MARCHF1: variants seen among roughly 807,000 people sequenced by gnomAD.
MARCHF1 encodes the protein E3 ubiquitin-protein ligase MARCHF1.
A neutral mutation model predicts 54.2 loss-of-function variants in MARCHF1; 40 were observed. That is an observed-to-expected ratio of 0.74 (90% CI 0.57 to 0.96). The LOEUF (loss-of-function observed/expected upper bound fraction) is 0.96. MARCHF1 is among the 40% of genes least tolerant of loss of function. The pLI, the probability that MARCHF1 is intolerant of heterozygous loss-of-function variation, is 0.00. For synonymous variants in MARCHF1, 236 were observed against 236.3 expected, an observed-to-expected ratio of 1.00 and a Z score of 0.01; for missense variants, 586 against 656.5, an observed-to-expected ratio of 0.89 and a Z score of 1.17.
chr4:163,932,638 G>A (rs1290949499), intron 3 of MARCHF1: 1 of 452,940 alleles, frequency 2.2e-6, no homozygotes, highest in South Asian at 1.8e-5. Context: ...TATGAGGAGT[G>A]CAACCTGCTT....
intron 5 of MARCHF1, among the ~76,000 whole-genome samples, chr4:163,615,079 C>T (rs772871495): frequency 1.3e-5 from 2 of 152,042 alleles, no homozygotes; most frequent in African/African-American, 2.4e-5. Flanking sequence ...TATAAGACGA[C>T]AAAGCCCCAG....
At chr4:164,051,769 A>C (rs1401348741) in intron 2 of MARCHF1, among the ~76,000 whole-genome samples, 1 of 152,226 alleles carries the variant, frequency 6.6e-6, no homozygotes, top group Admixed American at 6.5e-5. Flanking sequence ...CATGAAGGAA[A>C]GGAAGAAGAC....
intron 1 of MARCHF1, among the ~76,000 whole-genome samples, chr4:164,335,838 A>T (rs948882503): frequency 2.0e-5 from 3 of 152,148 alleles, no homozygotes; most frequent in African/African-American, 4.8e-5. Flanking sequence ...GATGCCAAAA[A>T]ACTTGTGTGA....
chr4:164,040,247 ATAC>A (rs2111016660), intron 2 of MARCHF1, among the ~76,000 whole-genome samples: 1 of 144,578 alleles, frequency 6.9e-6, no homozygotes, highest in Non-Finnish European at 1.5e-5. Context: ...ATACTTATAT[ATAC>A]GTATATGTAA....
intron 1 of MARCHF1, among the ~76,000 whole-genome samples, chr4:164,122,151 T>C (rs1756081772): frequency 6.6e-6 from 1 of 152,054 alleles, no homozygotes; most frequent in Non-Finnish European, 1.5e-5. Flanking sequence ...CATCCCTCCA[T>C]AATAAGAACC....
chr4:163,889,912 T>A (rs1191252219), intron 3 of MARCHF1, among the ~76,000 whole-genome samples: 1 of 127,074 alleles, frequency 7.9e-6, no homozygotes, highest in African/African-American at 2.8e-5. Context: ...CTTCGTTTAT[T>A]TATTTTCTTT....
intron 1 of MARCHF1, among the ~76,000 whole-genome samples, chr4:164,377,421 C>A (rs1016267300): frequency 6.6e-6 from 1 of 152,192 alleles, no homozygotes; most frequent in Non-Finnish European, 1.5e-5. Context: ...CAGTCTGTAT[C>A]AGTTGCTTTT....
intron 2 of MARCHF1, among the ~76,000 whole-genome samples, chr4:163,992,492 G>T (rs560592874): frequency 6.6e-6 from 1 of 151,932 alleles, no homozygotes; most frequent in Non-Finnish European, 1.5e-5. Context: ...TCTTAAGGAC[G>T]AATTGAGGCC....
At position 163,924,334 on chromosome 4, in the gene MARCHF1, T is replaced by C. The variant is rs1014448303; in HGVS notation, c.-39+64167A>G. 3.9e-5 allele frequency among the ~76,000 whole-genome samples: 6 copies of C among 152,010 alleles called. No homozygotes were observed. The East Asian group carries it at 9.6e-4, about 24-fold the overall frequency. On this transcript the variant is annotated intron_variant, in intron 3 of 9. Coordinates refer to ENST00000514618, the MANE Select transcript of MARCHF1 (RefSeq NM_001394959.1). Reference sequence around the variant, plus strand: ...ACATGTGAAGAAGAGAAGAACAGACTTTACAAGTGAAGAAAAATCATGAGC... The same window carrying C: ...ACATGTGAAGAAGAGAAGAACAGACCTTACAAGTGAAGAAAAATCATGAGC...
chr4:164,172,182 T>C (rs1257728824), intron 1 of MARCHF1, among the ~76,000 whole-genome samples: 1 of 152,222 alleles, frequency 6.6e-6, no homozygotes, highest in Non-Finnish European at 1.5e-5. Flanking sequence ...GACTTCATTA[T>C]TTCCCCAGTG....
At chr4:164,300,090 T>C (rs1466146803) in intron 1 of MARCHF1, among the ~76,000 whole-genome samples, 1 of 152,094 alleles carries the variant, frequency 6.6e-6, no homozygotes, top group African/African-American at 2.4e-5. Context: ...ATCTAAACCT[T>C]TTCTAGAACC....
chr4:164,376,968 C>CA (rs1283490989), intron 1 of MARCHF1, among the ~76,000 whole-genome samples: 1 of 152,110 alleles, frequency 6.6e-6, no homozygotes, highest in Non-Finnish European at 1.5e-5. Context: ...GCCTCAATGT[C>CA]AGTACCTAAT....
At chr4:163,719,017 A>T (rs1745353876) in intron 4 of MARCHF1, among the ~76,000 whole-genome samples, 1 of 152,108 alleles carries the variant, frequency 6.6e-6, no homozygotes, top group African/African-American at 2.4e-5. Flanking sequence ...GGAAGTGGGT[A>T]TATCTTCAAG....
chr4:164,055,443 CA>C (rs55924377), intron 2 of MARCHF1, among the ~76,000 whole-genome samples: 3,787 of 138,856 alleles, frequency 0.027, 142 homozygotes, highest in African/African-American at 0.09. Flanking sequence ...CACCCTGTCT[CA>C]AAAAAAAAAA....
At chr4:164,145,751 A>C (rs199838174) in intron 1 of MARCHF1, among the ~76,000 whole-genome samples, 1 of 140,740 alleles carries the variant, frequency 7.1e-6, no homozygotes, top group Non-Finnish European at 1.5e-5. Flanking sequence ...ATTCCCTTTG[A>C]AAACTGGCAC....
At chr4:164,207,492 A>G (rs919678903) in intron 1 of MARCHF1, among the ~76,000 whole-genome samples, 2 of 152,246 alleles carry the variant, frequency 1.3e-5, no homozygotes, top group South Asian at 4.1e-4. Context: ...AAGGGAAAGC[A>G]TATTTTATTA....
At chr4:164,142,971 G>C (rs1756589324) in intron 1 of MARCHF1, among the ~76,000 whole-genome samples, 1 of 151,936 alleles carries the variant, frequency 6.6e-6, no homozygotes, top group African/African-American at 2.4e-5. Context: ...ACAGAGAAGA[G>C]CTTAACGGAG....
chr4:164,051,890 C>A (rs1380892406), intron 2 of MARCHF1, among the ~76,000 whole-genome samples: 7 of 152,168 alleles, frequency 4.6e-5, no homozygotes, highest in Non-Finnish European at 8.8e-5. Context: ...TAGAGGACAT[C>A]ATTTCTACTT....
intron 1 of MARCHF1, among the ~76,000 whole-genome samples, chr4:164,381,227 A>G (rs540902117): frequency 6.6e-6 from 1 of 152,326 alleles, no homozygotes; most frequent in African/African-American, 2.4e-5. Flanking sequence ...GCCCTTGTGC[A>G]ACAAAATAGG....
Sources: allele counts gnomAD v4.1 joint callset (sites outside exome capture counted in the v4.1 genomes callset), GRCh38; gene constraint gnomAD v4.1.1; transcripts MANE v1.5; gene names NCBI Gene and HGNC (gene_info 2026-07-23, HGNC 2026-07-21).